KLHL22: variants seen among roughly 807,000 people sequenced by gnomAD.
KLHL22 encodes the protein kelch like family member 22, also known as kelch-like protein 22.
A neutral mutation model predicts 60.7 loss-of-function variants in KLHL22; 18 were observed. The ratio of observed to expected loss-of-function variants is 0.30; its 90% confidence interval spans 0.20 to 0.44. KLHL22 has a LOEUF of 0.44. KLHL22 is among the 20% of genes least tolerant of loss of function. The probability of loss-of-function intolerance (pLI) is 1.00; values close to 1 mark genes in which losing one functional copy is unlikely to be tolerated. For synonymous variants in KLHL22, 355 were observed against 354.5 expected (o/e 1.00, Z -0.01); for missense variants, 596 against 852.3 (o/e 0.70, Z 3.74).
chr22:20,486,124 A>C (rs2053582855), intron 2 of KLHL22, among the ~76,000 whole-genome samples: 1 of 138,286 alleles, frequency 7.2e-6, no homozygotes, highest in Non-Finnish European at 1.5e-5. Context: ...CCGAGATCAC[A>C]CCACTGCACT....
intron 5 of KLHL22, chr22:20,451,347 AG>A: frequency 6.2e-7 from 1 of 1,611,704 alleles, no homozygotes; most frequent in South Asian, 1.1e-5. Context: ...GCATGCTGGG[AG>A]ATATGCAGAC....
chr22:20,445,169 C>T (rs114552752), intron 6 of KLHL22, among the ~76,000 whole-genome samples: 1,548 of 151,140 alleles, frequency 0.01, 26 homozygotes, highest in African/African-American at 0.034. Flanking sequence ...AACAGTACTG[C>T]AGGGGCCTGA....
chr22:20,445,592 T>C (rs1030539226), intron 6 of KLHL22, among the ~76,000 whole-genome samples: 4 of 152,200 alleles, frequency 2.6e-5, no homozygotes, highest in African/African-American at 9.7e-5. Context: ...TTTTATTTTG[T>C]TTTGAATAGA....
chr22:20,481,282 T>TA (rs751329506), intron 2 of KLHL22: 6 of 151,968 alleles, frequency 3.9e-5, no homozygotes, highest in Non-Finnish European at 8.8e-5. Flanking sequence ...TAATAATAGA[T>TA]AAAAATAGGC....
intron 2 of KLHL22, chr22:20,483,891 G>A (rs535613033): frequency 4.7e-5 from 33 of 699,048 alleles, no homozygotes; most frequent in Non-Finnish European, 8.0e-5. Context: ...TCCCATTCCT[G>A]CCAGATCCCC....
chr22:20,461,550 CAAAAAAAAAAAA>C lies in KLHL22; in HGVS notation c.1112+3296_1112+3307del, dbSNP rs362095. On this transcript the variant is annotated intron_variant, in intron 4 of 6. Coordinates refer to ENST00000328879, the MANE Select transcript of KLHL22 (RefSeq NM_032775.4). ...CCTGGGTGACAGAGAGACTCCAACT[CAAAAAAAAAAAA>C]AAAAAAAAAAAAATTCAGTAGACTG... is the stretch of plus-strand genomic sequence containing the variant. Among the ~76,000 whole-genome samples the C allele has an allele frequency of 3.9e-3, 254 of 64,822 alleles. 1 individual carries two copies. The highest frequency in any genetic ancestry group is 0.016 in the African/African-American group (245 of 14,966). The allele number at this position is 64,822 out of a possible 152,430, so 42.5% of individuals were successfully genotyped here. A position where few individuals can be genotyped will look rare whatever the true frequency, so the allele number is the denominator to read the frequency against.
At chr22:20,485,187 T>C (rs2053565447) in intron 2 of KLHL22, among the ~76,000 whole-genome samples, 1 of 152,150 alleles carries the variant, frequency 6.6e-6, no homozygotes, top group African/African-American at 2.4e-5. Flanking sequence ...AGGTGACCCA[T>C]GGAGGTTGTA....
chr22:20,478,487 A>T (rs1407137508), intron 2 of KLHL22, among the ~76,000 whole-genome samples: 1 of 147,070 alleles, frequency 6.8e-6, no homozygotes, highest in Non-Finnish European at 1.5e-5. Flanking sequence ...TTGAGCCACC[A>T]AGCCCGCCCC....
chr22:20,449,460 G>A (rs1165188207), intron 5 of KLHL22, among the ~76,000 whole-genome samples: 7 of 152,092 alleles, frequency 4.6e-5, no homozygotes, highest in Middle Eastern at 6.8e-3. Context: ...GAGTGCAAAG[G>A]CACGGTCTCG....
intron 5 of KLHL22, chr22:20,451,480 A>G (rs2052978080): frequency 6.3e-7 from 1 of 1,598,832 alleles, no homozygotes; most frequent in Admixed American, 1.7e-5. Flanking sequence ...ACACTGGACT[A>G]ATGTTACACC....
rs2052761918 is a variant in KLHL22 at position 20,441,819 on chromosome 22, C to T, written c.*254G>A. On this transcript the variant is annotated 3_prime_UTR_variant, in exon 7 of 7. Transcript: ENST00000328879. Reference sequence around the variant, plus strand: ...AGAGAAGGCCAACCCCTCCAGGGCTCACTGAGGAAGGCCAAAGCCTTTCAG... The same window carrying T: ...AGAGAAGGCCAACCCCTCCAGGGCTTACTGAGGAAGGCCAAAGCCTTTCAG... The T allele has an allele frequency of 1.5e-5, 6 of 388,934 alleles. No homozygotes were observed. The highest frequency in any genetic ancestry group is 2.7e-5 in the Non-Finnish European group (6 of 219,444). The allele number at this position is 388,934 out of a possible 1,614,324, so 24.1% of individuals were successfully genotyped here.
At chr22:20,445,239 C>T (rs1051505154) in intron 6 of KLHL22, among the ~76,000 whole-genome samples, 4 of 146,098 alleles carry the variant, frequency 2.7e-5, no homozygotes, top group Non-Finnish European at 6.0e-5. Context: ...TGGAGTCTTG[C>T]TCTGTTGCCC....
At chr22:20,450,722 G>A (rs9623080) in intron 5 of KLHL22, 4 of 1,368,262 alleles carry the variant, frequency 2.9e-6, no homozygotes, top group South Asian at 1.2e-5. Context: ...GCTGTCATCA[G>A]TTGGGTGAAG....
intron 3 of KLHL22, among the ~76,000 whole-genome samples, chr22:20,469,778 G>GT (rs362145): frequency 0.96 from 143,974 of 149,922 alleles, 69,167 homozygotes; most frequent in East Asian, 1. Flanking sequence ...GACTTGAGTT[G>GT]TTTTTTTTTA....
intron 2 of KLHL22, among the ~76,000 whole-genome samples, chr22:20,477,253 T>G (rs556384287): frequency 2.5e-4 from 38 of 152,016 alleles, no homozygotes; most frequent in Non-Finnish European, 5.0e-4. Flanking sequence ...ATTAGCTGCA[T>G]GGTGGTGCAC....
chr22:20,465,802 GT>G lies in KLHL22; in HGVS notation c.394-227del, dbSNP rs935405505. On this transcript the variant is annotated intron_variant, in intron 3 of 6. Transcript: ENST00000328879. The surrounding 1 kb of genome is among the most constrained non-coding windows in gnomAD (Gnocchi z 4.9). ...TACTGGGTGACAGGATATACAGCAT[GT>G]TTTTTTTTGGTTTTGTTTTGCTTTT... Among the ~76,000 whole-genome samples, 9 of 150,986 alleles carry G rather than the reference GT, an allele frequency of 6.0e-5. No homozygotes were observed. The highest frequency in any genetic ancestry group is 1.2e-4 in the Non-Finnish European group (8 of 67,704).
chr22:20,484,114 G>A (rs1029754158), intron 2 of KLHL22: 11 of 821,752 alleles, frequency 1.3e-5, no homozygotes, highest in Non-Finnish European at 2.1e-5. Flanking sequence ...ATGCTGTCCG[G>A]GGAGGAGAGC....
intron 4 of KLHL22, among the ~76,000 whole-genome samples, chr22:20,462,423 T>C (rs1329117169): frequency 1.3e-5 from 2 of 151,992 alleles, no homozygotes; most frequent in African/African-American, 2.4e-5. Flanking sequence ...GGCATGATCA[T>C]AGTTCACCGA....
intron 2 of KLHL22, chr22:20,488,448 C>T (rs56138428): frequency 1.2e-3 from 189 of 161,904 alleles, no homozygotes; most frequent in South Asian, 2.4e-3. Flanking sequence ...AAAACCATGT[C>T]AGGTGCTAGG....
Sources: gnomAD v4.1 joint callset for allele counts (sites outside exome capture counted in the v4.1 genomes callset) on GRCh38, gnomAD v4.1.1 for gene constraint, Gnocchi (gnomAD v3.1) non-coding constraint, MANE v1.5 for transcripts, NCBI Gene and HGNC (gene_info 2026-07-23, HGNC 2026-07-21) for gene names.